The following DNAAF9 variants were observed in gnomAD, a reference collection of about 807,000 sequenced individuals.
DNAAF9 encodes the protein shulin.
DNAAF9 carries 90 observed loss-of-function variants against 167.0 expected under a neutral mutation model. The ratio of observed to expected loss-of-function variants is 0.54; its 90% CI spans 0.45 to 0.64. The LOEUF (loss-of-function observed/expected upper bound fraction) is 0.64, where lower values mean the gene tolerates loss of function less well. DNAAF9 is among the 30% of genes least tolerant of loss of function. DNAAF9 has a pLI of 0.00. For synonymous variants in DNAAF9, 491 were observed against 508.8 expected, an observed-to-expected ratio of 0.96 and a Z score of 0.47; for missense variants, 1,315 against 1,442.2, an observed-to-expected ratio of 0.91 and a Z score of 1.43.
intron 17 of DNAAF9, 29 bp downstream of exon 17, chr20:3,318,260 T>C: frequency 9.8e-7 from 1 of 1,024,816 alleles, no homozygotes. Context: ...AGGCTTAAGG[T>C]TTGCTTTCTA....
At chr20:3,368,626 C>T (rs1178807715) in intron 6 of DNAAF9, among the ~76,000 whole-genome samples, 16 of 151,840 alleles carry the variant, frequency 1.1e-4, no homozygotes, top group Admixed American at 6.5e-4. Flanking sequence ...CATTCTCCTG[C>T]CTCAGCCTCC....
chr20:3,291,986 G>A (rs1394082724), intron 25 of DNAAF9, among the ~76,000 whole-genome samples: 4 of 150,370 alleles, frequency 2.7e-5, no homozygotes, highest in Non-Finnish European at 5.9e-5. Context: ...TTACTTTAAG[G>A]CCAATCCAAG....
At chr20:3,348,943 C>G (rs553685356) in intron 7 of DNAAF9, among the ~76,000 whole-genome samples, 4 of 152,110 alleles carry the variant, frequency 2.6e-5, no homozygotes, top group African/African-American at 9.6e-5. Context: ...TGCAAGTGGG[C>G]ACAAGGGAAC....
At chr20:3,314,051 C>T (rs1479617304) in intron 20 of DNAAF9, among the ~76,000 whole-genome samples, 1 of 152,170 alleles carries the variant, frequency 6.6e-6, no homozygotes, top group Non-Finnish European at 1.5e-5. Context: ...CTATGCCAGT[C>T]CCACCTTGCA....
In DNAAF9 at chr20:3,330,017, G is replaced by A. The variant is rs369391723; in HGVS notation, c.1100+629C>T. Reference sequence around the variant, plus strand: ...GGGGTTTCACATGATTCTCCCAATGGATTTCAGGATGGTTTATTCTTAGAA... The same window carrying A: ...GGGGTTTCACATGATTCTCCCAATGAATTTCAGGATGGTTTATTCTTAGAA... On this transcript the variant is annotated intron_variant, in intron 12 of 36. Coordinates refer to ENST00000252032, the MANE Select transcript of DNAAF9 (RefSeq NM_001009984.3). 2.8e-4 allele frequency among the ~76,000 whole-genome samples: 42 copies of A among 152,286 alleles called. 1 individual carries two copies. In the South Asian group the frequency reaches 8.3e-3, roughly 30 times the overall value.
At chr20:3,310,008 C>T (rs2069372455) in intron 20 of DNAAF9, among the ~76,000 whole-genome samples, 1 of 152,048 alleles carries the variant, frequency 6.6e-6, no homozygotes, top group Non-Finnish European at 1.5e-5. Context: ...GCCTGACCGA[C>T]ATAGAGAAAC....
In DNAAF9 at chr20:3,252,267, A is replaced by G. The variant is rs1018081626; in HGVS notation, c.*305T>C. 7 of 236,662 alleles carry G rather than the reference A, an allele frequency of 3.0e-5. No homozygotes were observed. 14.7% of individuals were successfully genotyped at this position (236,662 alleles called of 1,614,324 possible). ...CCTAATGCTTCTCCCCAACCTCAAG[A>G]GCCCAAAGGAGATCCTGTTATCAGA... On this transcript the variant is annotated 3_prime_UTR_variant, in exon 37 of 37. Coordinates refer to ENST00000252032, the MANE Select transcript of DNAAF9 (RefSeq NM_001009984.3).
intron 30 of DNAAF9, among the ~76,000 whole-genome samples, chr20:3,265,739 G>A (rs1237811095): frequency 1.2e-4 from 17 of 145,380 alleles, no homozygotes; most frequent in South Asian, 2.3e-4. Flanking sequence ...GTGAAATGGC[G>A]TGATCTCGTC....
chr20:3,371,935 A>G (rs1463760366), intron 6 of DNAAF9, among the ~76,000 whole-genome samples: 2 of 152,150 alleles, frequency 1.3e-5, no homozygotes, highest in Admixed American at 1.3e-4. Flanking sequence ...CTAGCAGAGG[A>G]ACTTCCCTGT....
At chr20:3,347,665 C>T (rs551369267) in intron 8 of DNAAF9, among the ~76,000 whole-genome samples, 141 of 152,226 alleles carry the variant, frequency 9.3e-4, no homozygotes, top group African/African-American at 3.1e-3. Flanking sequence ...CGATGGCTCA[C>T]GCCTGTAATC....
chr20:3,342,793 C>T (rs1448318540), intron 9 of DNAAF9, among the ~76,000 whole-genome samples: 1 of 152,146 alleles, frequency 6.6e-6, no homozygotes, highest in African/African-American at 2.4e-5. Context: ...GAAATGTCCT[C>T]TCTATCCATC....
At chr20:3,320,376 A>C (rs907850939) in intron 16 of DNAAF9, among the ~76,000 whole-genome samples, 1 of 152,220 alleles carries the variant, frequency 6.6e-6, no homozygotes, top group Non-Finnish European at 1.5e-5. Context: ...AAGAGGACAG[A>C]ATGTAGACAA....
At chr20:3,259,597 C>A in intron 32 of DNAAF9, 43 bp from the exon 33 acceptor site, 3 of 1,368,786 alleles carry the variant, frequency 2.2e-6, no homozygotes, top group Non-Finnish European at 3.1e-6. Context: ...CATGGAGGCA[C>A]AGGCCAAATT....
At chr20:3,388,271 G>A (rs1020797881) in intron 1 of DNAAF9, among the ~76,000 whole-genome samples, 40 of 152,288 alleles carry the variant, frequency 2.6e-4, no homozygotes, top group African/African-American at 8.2e-4. Flanking sequence ...AGGATTTGGA[G>A]AAATTAGAAC....
chr20:3,344,600 C>T (rs1265887439), intron 8 of DNAAF9, among the ~76,000 whole-genome samples: 2 of 79,126 alleles, frequency 2.5e-5, no homozygotes, highest in African/African-American at 6.9e-5. Flanking sequence ...TACACACACA[C>T]ACACACACAC....
At chr20:3,325,903 AAAAGACTTTTGTTT>A (rs1167759239) in intron 13 of DNAAF9, among the ~76,000 whole-genome samples, 1 of 151,908 alleles carries the variant, frequency 6.6e-6, no homozygotes, top group Non-Finnish European at 1.5e-5. Flanking sequence ...TTTAGCTTTT[AAAAGACTTTTGTTT>A]AAGCTATTCA....
chr20:3,271,603 C>T (rs558068439), intron 29 of DNAAF9, among the ~76,000 whole-genome samples: 1 of 149,118 alleles, frequency 6.7e-6, no homozygotes, highest in African/African-American at 2.5e-5. Flanking sequence ...TTTTGTTATT[C>T]AATAATTTTT....
At chr20:3,405,145 T>G (rs2084038856) in intron 1 of DNAAF9, among the ~76,000 whole-genome samples, 1 of 152,238 alleles carries the variant, frequency 6.6e-6, no homozygotes, top group South Asian at 2.1e-4. Flanking sequence ...AAAATTCTAC[T>G]ACATGCTCAA....
At chr20:3,383,855 G>C (rs1341133539) in intron 1 of DNAAF9, among the ~76,000 whole-genome samples, 2 of 148,848 alleles carry the variant, frequency 1.3e-5, no homozygotes, top group African/African-American at 5.0e-5. Flanking sequence ...CTGGAGTGCA[G>C]TGGCACAATC....
Sources: allele counts gnomAD v4.1 joint callset (sites outside exome capture counted in the v4.1 genomes callset), GRCh38; gene constraint gnomAD v4.1.1; transcripts MANE v1.5; gene names NCBI Gene and HGNC (gene_info 2026-07-23, HGNC 2026-07-21).